The following MAML3 variants were observed in gnomAD, a reference collection of about 807,000 sequenced individuals.
The protein encoded by MAML3 is mastermind-like protein 3.
A neutral mutation model predicts 101.9 loss-of-function variants in MAML3; 27 were observed. The ratio of observed to expected loss-of-function variants is 0.27; its 90% CI spans 0.20 to 0.37. The LOEUF (loss-of-function observed/expected upper bound fraction) is 0.37, where lower values mean the gene tolerates loss of function less well. MAML3 is among the 10% of genes least tolerant of loss of function. MAML3 has a pLI of 1.00. For synonymous variants in MAML3, 501 were observed against 555.9 expected, an observed-to-expected ratio of 0.90 and a Z score of 1.39; for missense variants, 1,316 against 1,444.9, an observed-to-expected ratio of 0.91 and a Z score of 1.45.
intron 1 of MAML3, among the ~76,000 whole-genome samples, chr4:140,101,483 T>C (rs773170599): frequency 3.3e-5 from 5 of 149,734 alleles, no homozygotes; most frequent in Non-Finnish European, 5.9e-5. Flanking sequence ...AGCTGTTCTA[T>C]CTGTCAACAG....
chr4:139,748,980 G>A (rs1302205839), intron 2 of MAML3, among the ~76,000 whole-genome samples: 6 of 152,144 alleles, frequency 3.9e-5, no homozygotes, highest in Admixed American at 3.9e-4. Flanking sequence ...GATTGTGGCT[G>A]CACACGTCCT....
intron 1 of MAML3, among the ~76,000 whole-genome samples, chr4:140,115,829 A>T (rs947340081): frequency 1.3e-5 from 2 of 152,208 alleles, no homozygotes; most frequent in African/African-American, 4.8e-5. Flanking sequence ...TGTAAAAATC[A>T]TTCTTTTTCA....
chr4:139,818,100 C>T (rs964770420), intron 2 of MAML3, among the ~76,000 whole-genome samples: 2 of 152,182 alleles, frequency 1.3e-5, no homozygotes, highest in Non-Finnish European at 2.9e-5. Flanking sequence ...TGATCATTTA[C>T]AATTCTAACA....
chr4:140,082,648 A>G (rs1277945167), intron 1 of MAML3, among the ~76,000 whole-genome samples: 1 of 152,156 alleles, frequency 6.6e-6, no homozygotes, highest in Non-Finnish European at 1.5e-5. Context: ...TCAGGAAGTA[A>G]AAGTTCACAC....
chr4:140,133,260 C>A, intron 1 of MAML3: 1 of 329,156 alleles, frequency 3.0e-6, no homozygotes. Context: ...TACAGTGGTC[C>A]TGCCTTATAA....
intron 2 of MAML3, among the ~76,000 whole-genome samples, chr4:139,772,442 A>C (rs939487781): frequency 6.6e-6 from 1 of 151,044 alleles, no homozygotes; most frequent in African/African-American, 2.4e-5. Context: ...CCTGGGTTCA[A>C]GTAATTCTCC....
In MAML3 at chr4:139,830,410, A is replaced by ATTTTTTTT. The variant is rs1157293904; in HGVS notation, c.2079+58939_2079+58946dup. Reference sequence around the variant, plus strand: ...AATAAATACTTTTGCACGCTGTGCTATTTTTTTTTTTTTTTTTTTTTTGAG... The same window carrying ATTTTTTTT: ...AATAAATACTTTTGCACGCTGTGCTATTTTTTTTTTTTTTTTTTTTTTTTTTTTTTGAG... On this transcript the variant is annotated intron_variant, in intron 2 of 4. Transcript: ENST00000509479. Among the ~76,000 whole-genome samples, 297 of 121,278 alleles carry ATTTTTTTT rather than the reference A, an allele frequency of 2.4e-3. 10 individuals are homozygous for ATTTTTTTT. The highest frequency in any genetic ancestry group is 0.01 in the African/African-American group (266 of 25,916). The allele number at this position is 121,278 out of a possible 152,430, so 79.6% of individuals were successfully genotyped here.
At chr4:139,904,158 C>T (rs1732774980) in intron 1 of MAML3, among the ~76,000 whole-genome samples, 2 of 152,176 alleles carry the variant, frequency 1.3e-5, no homozygotes, top group African/African-American at 4.8e-5. Flanking sequence ...AGAAACCATC[C>T]CATCACCTTG....
chr4:140,030,017 C>T (rs1388678233), intron 1 of MAML3, among the ~76,000 whole-genome samples: 4 of 151,484 alleles, frequency 2.6e-5, no homozygotes, highest in Non-Finnish European at 4.4e-5. Flanking sequence ...ATTTAACATT[C>T]TGTGAGTAGG....
chr4:139,764,792 A>G (rs1287591246), intron 2 of MAML3, among the ~76,000 whole-genome samples: 1 of 152,208 alleles, frequency 6.6e-6, no homozygotes, highest in South Asian at 2.1e-4. Flanking sequence ...AGGTACAAGC[A>G]CTGTCCACAT....
chr4:139,716,869 T>C lies in MAML3; in HGVS notation c.*2454A>G, dbSNP rs555460616. On this transcript the variant is annotated 3_prime_UTR_variant, in exon 5 of 5. Coordinates refer to ENST00000509479, the MANE Select transcript of MAML3 (RefSeq NM_018717.5). ...TTTCTTAAAAGGAAATAAGCAATGC[T>C]CAATGTACAAAGTAAAAACAGAAAA... is the stretch of plus-strand genomic sequence containing the variant. 6.5e-6 allele frequency: 1 copy of C among 152,718 alleles called. No homozygotes were observed. The highest frequency in any genetic ancestry group is 6.5e-5 in the Admixed American group (1 of 15,302). The allele number at this position is 152,718 out of a possible 1,614,324, so 9.5% of individuals were successfully genotyped here. A position where few individuals can be genotyped will look rare whatever the true frequency, so the allele number is the denominator to read the frequency against.
intron 1 of MAML3, among the ~76,000 whole-genome samples, chr4:140,058,463 T>G (rs1030166623): frequency 6.6e-6 from 1 of 151,978 alleles, no homozygotes; most frequent in Non-Finnish European, 1.5e-5. Flanking sequence ...TAACATTTGA[T>G]GTAATTTTTT....
chr4:139,927,323 T>C (rs1214548909), intron 1 of MAML3, among the ~76,000 whole-genome samples: 1 of 152,216 alleles, frequency 6.6e-6, no homozygotes. Flanking sequence ...GTTCATGATG[T>C]CAATATGTCT....
intron 1 of MAML3, among the ~76,000 whole-genome samples, chr4:139,982,429 A>G (rs1047032521): frequency 2.0e-5 from 3 of 152,136 alleles, no homozygotes; most frequent in African/African-American, 7.2e-5. Flanking sequence ...TCAAGAAGCT[A>G]TGGTTGTTTT....
intron 1 of MAML3, among the ~76,000 whole-genome samples, chr4:140,093,283 G>A (rs1252124691): frequency 1.3e-5 from 2 of 152,170 alleles, no homozygotes. Context: ...GGCACAACCA[G>A]ATGTGACTTT....
chr4:140,017,480 G>C (rs540204456), intron 1 of MAML3, among the ~76,000 whole-genome samples: 7 of 151,998 alleles, frequency 4.6e-5, no homozygotes, highest in Non-Finnish European at 7.4e-5. Flanking sequence ...TATATCCACA[G>C]AAAACCCTGT....
chr4:139,967,198 AGAG>A (rs1734149004), intron 1 of MAML3, among the ~76,000 whole-genome samples: 1 of 152,148 alleles, frequency 6.6e-6, no homozygotes, highest in Non-Finnish European at 1.5e-5. Flanking sequence ...CTAAGTAAAA[AGAG>A]GAGAAGCAGA....
intron 2 of MAML3, among the ~76,000 whole-genome samples, chr4:139,815,966 G>T (rs990074606): frequency 5.3e-5 from 8 of 152,126 alleles, no homozygotes; most frequent in African/African-American, 1.9e-4. Flanking sequence ...AACACTCATT[G>T]TGTCGAATGG....
intron 1 of MAML3, among the ~76,000 whole-genome samples, chr4:139,975,536 G>A (rs1734316394): frequency 6.6e-6 from 1 of 152,022 alleles, no homozygotes; most frequent in Non-Finnish European, 1.5e-5. Context: ...CATGTGATAT[G>A]ATTTATTTAC....
Sources: gnomAD v4.1 joint callset for allele counts (sites outside exome capture counted in the v4.1 genomes callset) on GRCh38, gnomAD v4.1.1 for gene constraint, MANE v1.5 for transcripts, NCBI Gene and HGNC (gene_info 2026-07-23, HGNC 2026-07-21) for gene names.